The following IGSF10 variants were observed in gnomAD, a reference collection of about 807,000 sequenced individuals.
IGSF10 encodes immunoglobulin superfamily member 10, also known as calvaria mechanical force protein 608.
IGSF10 carries 126 observed loss-of-function variants against 128.2 expected under a neutral mutation model. That is an observed-to-expected ratio of 0.98 (90% confidence interval 0.85 to 1.14). The LOEUF is 1.14. IGSF10 is among the 50% of genes most tolerant of loss of function. The probability of loss-of-function intolerance (pLI) is 0.00; values close to 1 mark genes in which losing one functional copy is unlikely to be tolerated. For missense variants in IGSF10, 3,295 were observed against 3,149.8 expected (o/e 1.05, Z -1.10); for synonymous variants, 1,185 against 1,146.2 (o/e 1.03, Z -0.68).
the IGSF10 span, among the ~76,000 whole-genome samples, chr3:151,506,732 G>C: frequency 6.6e-6 from 1 of 151,844 alleles, no homozygotes; most frequent in Admixed American, 6.6e-5. Flanking sequence ...TTCCACCTAA[G>C]AGTTGTCCCT....
At chr3:151,502,491 A>C in the IGSF10 span, among the ~76,000 whole-genome samples, 3 of 152,014 alleles carry the variant, frequency 2.0e-5, no homozygotes, top group Non-Finnish European at 4.4e-5. Context: ...AGATAAACAA[A>C]AACTCTCTCC....
At chr3:151,469,714 T>G in the IGSF10 span, among the ~76,000 whole-genome samples, 1 of 152,180 alleles carries the variant, frequency 6.6e-6, no homozygotes, top group Non-Finnish European at 1.5e-5. Flanking sequence ...AACCTTTGCC[T>G]AAATTACCCC....
At chr3:151,619,882 G>T in the IGSF10 span, among the ~76,000 whole-genome samples, 17 of 152,184 alleles carry the variant, frequency 1.1e-4, no homozygotes, top group Admixed American at 9.8e-4. Context: ...TAGTCAGTTT[G>T]GCTGTCTCTC....
At chr3:151,525,510 T>G in the IGSF10 span, among the ~76,000 whole-genome samples, 1 of 73,756 alleles carries the variant, frequency 1.4e-5, no homozygotes, top group South Asian at 3.2e-4. Flanking sequence ...GCCAGTAGTC[T>G]GTACTCTATT....
the IGSF10 span, among the ~76,000 whole-genome samples, chr3:151,516,425 G>T: frequency 6.6e-6 from 1 of 152,022 alleles, no homozygotes; most frequent in Non-Finnish European, 1.5e-5. Context: ...TGCACTTGTG[G>T]GGTATACTTT....
chr3:151,443,069 GT>G lies in IGSF10; in HGVS notation c.5877del (p.Leu1959PhefsTer3), dbSNP rs772714658. ...KRTEVNFGDKLLLNCSATGEP... is the reference protein window; with the variant it reads ...KRTEVNFGDKXLLNCSATGEP... The stretch of plus-strand genomic sequence containing the variant: ...TCCCCAGTGGCTGAGCAGTTCAGTA[GT>G]AATTTGTCCCCAAAATTCACTTCAG... On this transcript the variant is annotated frameshift_variant, in exon 7 of 8. Coordinates refer to ENST00000282466, the MANE Select transcript of IGSF10 (RefSeq NM_178822.5). LOFTEE classifies it high-confidence loss of function. The G allele has an allele frequency of 5.6e-6, 9 of 1,614,080 alleles. No homozygotes were observed. The highest frequency in any genetic ancestry group is 7.6e-6 in the Non-Finnish European group (9 of 1,180,044).
the IGSF10 span, among the ~76,000 whole-genome samples, chr3:151,575,267 A>G: frequency 6.6e-6 from 1 of 152,208 alleles, no homozygotes; most frequent in East Asian, 1.9e-4. Flanking sequence ...GCTGTCAGAC[A>G]GGGACGTTTA....
chr3:151,434,036 TA>T (rs1426615387), downstream of IGSF10: 1 of 152,618 alleles, frequency 6.6e-6, no homozygotes, highest in African/African-American at 2.4e-5. Context: ...TTCTATATAA[TA>T]TTTTTTTAGA....
chr3:151,532,108 C>T, the IGSF10 span, among the ~76,000 whole-genome samples: 81 of 152,170 alleles, frequency 5.3e-4, no homozygotes, highest in African/African-American at 1.8e-3. Context: ...GACACATACA[C>T]CCTCCCAAGA....
the IGSF10 span, among the ~76,000 whole-genome samples, chr3:151,544,381 T>G: frequency 6.6e-6 from 1 of 152,196 alleles, no homozygotes; most frequent in Non-Finnish European, 1.5e-5. Context: ...CTCCATAGGA[T>G]TTCCTGTTTT....
chr3:151,489,366 CTGTT>C, the IGSF10 span, among the ~76,000 whole-genome samples: 2 of 152,194 alleles, frequency 1.3e-5, no homozygotes, highest in African/African-American at 2.4e-5. Flanking sequence ...CGCTTTTACA[CTGTT>C]TGTAGGAGTG....
At chr3:151,612,300 C>T in the IGSF10 span, among the ~76,000 whole-genome samples, 1 of 152,130 alleles carries the variant, frequency 6.6e-6, no homozygotes, top group African/African-American at 2.4e-5. Context: ...ATGTGGTTCA[C>T]ACAGAGTGTG....
At chr3:151,534,796 A>AGTGTGTGTGTGTGTGTGTGT in the IGSF10 span, among the ~76,000 whole-genome samples, 1 of 129,350 alleles carries the variant, frequency 7.7e-6, no homozygotes, top group Non-Finnish European at 1.7e-5. Context: ...CAGAATTTAA[A>AGTGTGTGTGTGTGTGTGTGT]GTGTATGTGT....
chr3:151,522,987 A>G, the IGSF10 span, among the ~76,000 whole-genome samples: 1 of 151,682 alleles, frequency 6.6e-6, no homozygotes. Context: ...CAGTAAATCA[A>G]TGTACAAAAA....
At chr3:151,615,506 T>A in the IGSF10 span, among the ~76,000 whole-genome samples, 1 of 152,174 alleles carries the variant, frequency 6.6e-6, no homozygotes, top group Non-Finnish European at 1.5e-5. Flanking sequence ...TAGAGAACTC[T>A]GAATATGTGA....
the IGSF10 span, among the ~76,000 whole-genome samples, chr3:151,486,445 T>G: frequency 6.6e-6 from 1 of 152,270 alleles, no homozygotes; most frequent in South Asian, 2.1e-4. Flanking sequence ...GGAGTTGAAC[T>G]CACCTCTGGA....
chr3:151,541,558 T>C, the IGSF10 span, among the ~76,000 whole-genome samples: 66,629 of 152,008 alleles, frequency 0.44, 15,010 homozygotes, highest in South Asian at 0.54. Flanking sequence ...GTTGACACTA[T>C]TCTTTTAGGA....
chr3:151,515,112 T>C, the IGSF10 span, among the ~76,000 whole-genome samples: 1 of 152,128 alleles, frequency 6.6e-6, no homozygotes, highest in Non-Finnish European at 1.5e-5. Flanking sequence ...GCCATCCCAT[T>C]ACTGGATATA....
Position 151,453,470 on chromosome 3 carries a change from T to C in IGSF10, c.629A>G (p.Asp210Gly). The C allele has an allele frequency of 6.2e-7, 1 of 1,614,002 alleles. No individual in the cohort carries two copies. Among genetic ancestry groups the C allele is most frequent in the Non-Finnish European group, 8.5e-7 (1 of 1,179,922 alleles). ...TCCATGCAGGTAAAGGCTGTCTAGG[T>C]CAGGCATATAGGAGACCATCTCTTG... ...LPQEMVSYMP[D>G]LDSLYLHGNP... Residue 210 changes from aspartate to glycine, a missense_variant, in exon 5 of 8, where the codon GAC becomes GGC. Asp to Gly is a moderately conservative substitution (Grantham distance 94). Transcript: ENST00000282466.
Sources: allele counts gnomAD v4.1 joint callset (sites outside exome capture counted in the v4.1 genomes callset), GRCh38; gene constraint gnomAD v4.1.1; transcripts MANE v1.5; gene names NCBI Gene and HGNC (gene_info 2026-07-23, HGNC 2026-07-21).